The following NAA11 variants were observed in gnomAD, a reference collection of about 807,000 sequenced individuals.
The protein encoded by NAA11 is N-alpha-acetyltransferase 11.
A neutral mutation model predicts 16.1 loss-of-function variants in NAA11; 15 were observed. The observed-to-expected ratio is 0.93, with a 90% CI of 0.62 to 1.44. NAA11 has a LOEUF of 1.44. Among genes scored for constraint, NAA11 ranks in the 40% most tolerant of loss-of-function variants. The pLI is 0.00. For missense variants in NAA11, 298 were observed against 291.3 expected (o/e 1.02, Z -0.17); for synonymous variants, 122 against 112.4 (o/e 1.09, Z -0.54).
At chr4:79,193,014 C>T in the NAA11 span, among the ~76,000 whole-genome samples, 2 of 152,090 alleles carry the variant, frequency 1.3e-5, no homozygotes, top group African/African-American at 4.8e-5. Context: ...CTTTTGGCTG[C>T]ATAAATGTCT....
intron 2 of NAA11, among the ~76,000 whole-genome samples, chr4:79,279,689 G>A (rs959796870): frequency 7.2e-5 from 11 of 152,072 alleles, no homozygotes; most frequent in African/African-American, 2.7e-4. Context: ...ATATTTTGGT[G>A]AAATGACATG....
chr4:79,193,587 C>G, the NAA11 span, among the ~76,000 whole-genome samples: 1 of 152,006 alleles, frequency 6.6e-6, no homozygotes. Context: ...TGGTCTATAT[C>G]TCTCTTTTGG....
chr4:79,180,758 C>G, the NAA11 span, among the ~76,000 whole-genome samples: 1 of 84,642 alleles, frequency 1.2e-5, no homozygotes, highest in Non-Finnish European at 3.3e-5. Context: ...ATAAATCATG[C>G]TGCTATAAAG....
In NAA11 at chr4:79,253,796, T is replaced by C. The variant is rs77368563; in HGVS notation, c.*123-27526A>G. On this transcript the variant is annotated intron_variant and NMD_transcript_variant, in intron 2 of 2. Coordinates refer to the NAA11 transcript ENST00000511542. ...AAATGAGTGATATTAGAAAATGTGC[T>C]TATGCTGACAAGGATGATCTGTCAT... Among the ~76,000 whole-genome samples the C allele has an allele frequency of 8.8e-3, 1,335 of 152,364 alleles. 26 individuals are homozygous for C. The highest frequency in any genetic ancestry group is 0.03 in the African/African-American group (1,267 of 41,588).
At chr4:79,265,614 A>G (rs919761282) in intron 2 of NAA11, among the ~76,000 whole-genome samples, 9 of 152,142 alleles carry the variant, frequency 5.9e-5, no homozygotes, top group African/African-American at 1.9e-4. Context: ...CTTCTTCTTG[A>G]AATTCTTTCT....
chr4:79,254,350 A>C (rs1722056688), intron 2 of NAA11, among the ~76,000 whole-genome samples: 2 of 152,218 alleles, frequency 1.3e-5, no homozygotes, highest in Non-Finnish European at 2.9e-5. Context: ...CAATAAAAAC[A>C]TACTTTGTTG....
At chr4:79,186,183 C>T in the NAA11 span, among the ~76,000 whole-genome samples, 1 of 152,070 alleles carries the variant, frequency 6.6e-6, no homozygotes, top group African/African-American at 2.4e-5. Flanking sequence ...AGGTGTTCCC[C>T]CCGCCTCCCG....
intron 1 of NAA11, among the ~76,000 whole-genome samples, chr4:79,296,686 A>AT (rs1428034817): frequency 5.3e-5 from 8 of 152,160 alleles, no homozygotes; most frequent in African/African-American, 1.7e-4. Context: ...TGTGTCTGGC[A>AT]TTGAAGGCTC....
At chr4:79,312,511 C>T (rs777802962), downstream of NAA11, among the ~76,000 whole-genome samples, 2 of 151,746 alleles carry the variant, frequency 1.3e-5, no homozygotes, top group South Asian at 4.2e-4. Flanking sequence ...ATTAGCCAGG[C>T]GTCGTGGCAC....
intron 1 of NAA11, among the ~76,000 whole-genome samples, chr4:79,311,523 G>T (rs904630650): frequency 6.6e-6 from 1 of 152,086 alleles, no homozygotes; most frequent in Non-Finnish European, 1.5e-5. Flanking sequence ...ACAATTTCAG[G>T]TTATTTCATG....
rs527793007 is a variant in NAA11, at chr4:79,282,211, A to G, written c.*122+11794T>C. Among the ~76,000 whole-genome samples, 10 of 152,236 alleles carry G rather than the reference A, an allele frequency of 6.6e-5. No homozygotes were observed. In the East Asian group the frequency reaches 1.5e-3, roughly 23 times the overall value. On this transcript the variant is annotated intron_variant and NMD_transcript_variant, in intron 2 of 2. Coordinates refer to the NAA11 transcript ENST00000511542. ...AAATGTGTCTGGGATGTAGTGGGAA[A>G]AGAGTATAAAGAGGTGAAGGCAGAG...
At chr4:79,273,097 C>T (rs879945389) in intron 2 of NAA11, among the ~76,000 whole-genome samples, 1 of 151,756 alleles carries the variant, frequency 6.6e-6, no homozygotes, top group South Asian at 2.1e-4. Flanking sequence ...ACTGGCAAAG[C>T]AAGATTGTGG....
intron 2 of NAA11, among the ~76,000 whole-genome samples, chr4:79,290,499 C>T (rs554271994): frequency 3.3e-5 from 5 of 152,250 alleles, no homozygotes; most frequent in South Asian, 2.1e-4. Context: ...ATACATCTCT[C>T]GCTTAAGCTT....
At chr4:79,233,144 G>C (rs970422708) in intron 2 of NAA11, among the ~76,000 whole-genome samples, 3 of 151,732 alleles carry the variant, frequency 2.0e-5, no homozygotes, top group African/African-American at 7.3e-5. Flanking sequence ...TCAATGCCTT[G>C]ATATTACTTG....
intron 1 of NAA11, among the ~76,000 whole-genome samples, chr4:79,320,811 T>C (rs923307581): frequency 2.6e-4 from 39 of 152,212 alleles, no homozygotes; most frequent in Admixed American, 2.5e-3. Context: ...ACATTTTTTC[T>C]ATAGGTATTT....
At chr4:79,194,906 G>A in the NAA11 span, among the ~76,000 whole-genome samples, 4 of 152,156 alleles carry the variant, frequency 2.6e-5, no homozygotes, top group African/African-American at 9.6e-5. Context: ...CACAAATACT[G>A]GAGGTAGGTT....
At chr4:79,198,995 G>C in the NAA11 span, among the ~76,000 whole-genome samples, 1 of 151,882 alleles carries the variant, frequency 6.6e-6, no homozygotes, top group African/African-American at 2.4e-5. Flanking sequence ...GGATCTGCAA[G>C]TGTAACTAAT....
chr4:79,290,092 T>C (rs1416095078), intron 2 of NAA11, among the ~76,000 whole-genome samples: 2 of 152,124 alleles, frequency 1.3e-5, no homozygotes, highest in African/African-American at 4.8e-5. Flanking sequence ...TGAGGTGATA[T>C]AAAGAAGCAA....
In NAA11 at chr4:79,316,972, A is replaced by G. The variant is rs1297522812; in HGVS notation, c.*832T>C. The G allele has an allele frequency of 6.6e-6, 1 of 152,156 alleles. No homozygotes were observed. The highest frequency in any genetic ancestry group is 1.5e-5 in the Non-Finnish European group (1 of 68,032). 9.4% of individuals were successfully genotyped at this position (152,156 alleles called of 1,614,324 possible). ...GAGCTTCAGTTTCCTCATCTGTAAA[A>G]CAGGGATAATACTACCTACTTTACA... On this transcript the variant is annotated 3_prime_UTR_variant, in exon 2 of 2. Transcript: ENST00000286794.
Sources: allele counts gnomAD v4.1 joint callset (sites outside exome capture counted in the v4.1 genomes callset), GRCh38; gene constraint gnomAD v4.1.1; transcripts MANE v1.5; gene names NCBI Gene and HGNC (gene_info 2026-07-23, HGNC 2026-07-21).